Variants in PAN3 observed in about 807,000 individuals in gnomAD.
PAN3 encodes PAN2-PAN3 deadenylation complex subunit PAN3.
In PAN3, 19 loss-of-function variants were observed where a neutral mutation model predicts 96.2. That is an observed-to-expected ratio of 0.20 (90% CI 0.14 to 0.29). The LOEUF is 0.29. PAN3 is among the 10% of genes least tolerant of loss of function. The pLI, the probability that PAN3 is intolerant of heterozygous loss-of-function variation, is 1.00. For synonymous variants in PAN3, 433 were observed against 406.6 expected, an observed-to-expected ratio of 1.06 and a Z score of -0.78; for missense variants, 882 against 1,108.1, an observed-to-expected ratio of 0.80 and a Z score of 2.90.
chr13:28,266,103 T>C (rs1886144911), intron 9 of PAN3, among the ~76,000 whole-genome samples: 2 of 152,132 alleles, frequency 1.3e-5, no homozygotes, highest in Non-Finnish European at 2.9e-5. Context: ...ATGTATATTA[T>C]AAAACATTTG....
At chr13:28,263,743 T>A (rs893673197) in intron 9 of PAN3, among the ~76,000 whole-genome samples, 2 of 152,242 alleles carry the variant, frequency 1.3e-5, no homozygotes, top group Admixed American at 6.5e-5. Flanking sequence ...AACAGAACTC[T>A]AAAACTCTTT....
intron 1 of PAN3, among the ~76,000 whole-genome samples, chr13:28,173,739 A>T (rs1411265128): frequency 6.6e-6 from 1 of 152,206 alleles, no homozygotes; most frequent in African/African-American, 2.4e-5. Flanking sequence ...TAATAGTTCT[A>T]CAGTCCTTCA....
Position 28,193,705 on chromosome 13 carries a change from T to A in PAN3, c.691-3480T>A, listed in dbSNP as rs117865625. On this transcript the variant is annotated intron_variant, in intron 4 of 18. Coordinates refer to ENST00000380958, the MANE Select transcript of PAN3 (RefSeq NM_175854.8). ...TTGCAGTGAGCTGAGATTGCACCAC[T>A]GCACTCCAGCCTGGGAGTGAGACCC... Among the ~76,000 whole-genome samples the A allele has an allele frequency of 1.5e-3, 197 of 134,338 alleles. 3 individuals carry two copies. In the Middle Eastern group the frequency reaches 0.021, roughly 15 times the overall value. The allele number at this position is 134,338 out of a possible 152,430, so 88.1% of individuals were successfully genotyped here.
At chr13:28,282,880 G>GTTTATTTATTTA (rs3057869) in intron 17 of PAN3, among the ~76,000 whole-genome samples, 1 of 150,988 alleles carries the variant, frequency 6.6e-6, no homozygotes, top group Admixed American at 6.6e-5. Context: ...TCCTTGGTTT[G>GTTTATTTATTTA]TTTATTTATT....
intron 12 of PAN3, among the ~76,000 whole-genome samples, chr13:28,270,019 G>C (rs3764094): frequency 6.6e-6 from 1 of 151,984 alleles, no homozygotes; most frequent in African/African-American, 2.4e-5. Flanking sequence ...TTTGAGCCCA[G>C]GAGTTGGAGA....
chr13:28,208,000 A>G (rs1879578027), intron 5 of PAN3, among the ~76,000 whole-genome samples: 1 of 152,170 alleles, frequency 6.6e-6, no homozygotes, highest in South Asian at 2.1e-4. Context: ...GACCTGGATT[A>G]TTGATTAGCT....
At chr13:28,223,292 CAT>C (rs1465403143) in intron 6 of PAN3, among the ~76,000 whole-genome samples, 2 of 152,142 alleles carry the variant, frequency 1.3e-5, no homozygotes, top group Non-Finnish European at 2.9e-5. Context: ...TATACACACT[CAT>C]TTTTTAATTT....
chr13:28,201,039 C>G (rs9582017), intron 5 of PAN3, among the ~76,000 whole-genome samples: 1 of 151,400 alleles, frequency 6.6e-6, no homozygotes, highest in East Asian at 1.9e-4. Flanking sequence ...GTCTCTCTCT[C>G]TCTTTTTTTT....
intron 6 of PAN3, among the ~76,000 whole-genome samples, chr13:28,223,795 T>C (rs1881671098): frequency 6.6e-6 from 1 of 151,918 alleles, no homozygotes; most frequent in Non-Finnish European, 1.5e-5. Flanking sequence ...TGACTAGATC[T>C]CTGGAAACGA....
intron 5 of PAN3, among the ~76,000 whole-genome samples, chr13:28,197,791 G>A (rs1163701662): frequency 2.6e-5 from 4 of 152,070 alleles, no homozygotes; most frequent in Admixed American, 6.6e-5. Flanking sequence ...GGCTGGTCTC[G>A]AACTCCTACC....
At chr13:28,215,454 G>A (rs1880624113) in intron 5 of PAN3, 6 of 696,178 alleles carry the variant, frequency 8.6e-6, no homozygotes, top group Non-Finnish European at 1.6e-5. Context: ...TTATGAATGT[G>A]TCTGTCAAAG....
At chr13:28,279,339 CTCAT>C (rs1566256278) in intron 15 of PAN3, among the ~76,000 whole-genome samples, 1 of 152,154 alleles carries the variant, frequency 6.6e-6, no homozygotes, top group Admixed American at 6.5e-5. Flanking sequence ...CTTAAAAAGG[CTCAT>C]TCAGTTTAGC....
At chr13:28,195,101 T>C (rs1877858632) in intron 4 of PAN3, among the ~76,000 whole-genome samples, 2 of 152,124 alleles carry the variant, frequency 1.3e-5, no homozygotes, top group South Asian at 4.1e-4. Flanking sequence ...GGTGGAGGTA[T>C]GTTAGTCTCA....
At chr13:28,236,729 A>G (rs35781347) in intron 6 of PAN3, among the ~76,000 whole-genome samples, 7,493 of 152,296 alleles carry the variant, frequency 0.049, 284 homozygotes, top group East Asian at 0.19. Flanking sequence ...ACATCTGTGA[A>G]GAAAATCTCA....
intron 3 of PAN3, 74 bp from the exon 4 acceptor site, chr13:28,177,791 T>C (rs1186831746): frequency 1.1e-5 from 13 of 1,210,602 alleles, no homozygotes; most frequent in Non-Finnish European, 1.6e-5. Flanking sequence ...ATAGGCATTG[T>C]CAAATTAAAC....
At chr13:28,196,743 G>C (rs1211744082) in intron 4 of PAN3, among the ~76,000 whole-genome samples, 2 of 152,072 alleles carry the variant, frequency 1.3e-5, no homozygotes. Context: ...ACAAGATGGT[G>C]AGCTGAAAAA....
chr13:28,151,103 GAGTATCTC>G (rs1411923255), intron 1 of PAN3, among the ~76,000 whole-genome samples: 4 of 152,328 alleles, frequency 2.6e-5, no homozygotes, highest in Non-Finnish European at 5.9e-5. Flanking sequence ...TCAGGAGAAA[GAGTATCTC>G]AGGCAGAGGG....
intron 8 of PAN3, among the ~76,000 whole-genome samples, chr13:28,261,107 G>A (rs574791877): frequency 4.6e-5 from 7 of 152,244 alleles, no homozygotes; most frequent in African/African-American, 1.7e-4. Flanking sequence ...CAGTTTACTA[G>A]TAGACCTTGA....
chr13:28,286,462 T>C (rs1442711111), intron 17 of PAN3, among the ~76,000 whole-genome samples: 1 of 152,208 alleles, frequency 6.6e-6, no homozygotes, highest in Non-Finnish European at 1.5e-5. Flanking sequence ...AGTTCTCCTG[T>C]TTTCAGCCTC....
Sources: gnomAD v4.1 joint callset for allele counts (sites outside exome capture counted in the v4.1 genomes callset) on GRCh38, gnomAD v4.1.1 for gene constraint, MANE v1.5 for transcripts, NCBI Gene and HGNC (gene_info 2026-07-23, HGNC 2026-07-21) for gene names.